Variants in ZNF267 observed in about 807,000 individuals in gnomAD.
ZNF267 encodes zinc finger protein 267, also known as zinc finger (C2H2).
A neutral mutation model predicts 71.6 loss-of-function variants in ZNF267; 61 were observed. The observed-to-expected ratio is 0.85, with a 90% CI of 0.69 to 1.05. ZNF267 has a LOEUF of 1.05. Ranked by LOEUF, ZNF267 falls within the 50% of genes least tolerant of loss-of-function variation. The pLI is 0.00. For missense variants in ZNF267, 852 were observed against 870.0 expected, an observed-to-expected ratio of 0.98 and a Z score of 0.26; for synonymous variants, 288 against 293.2, an observed-to-expected ratio of 0.98 and a Z score of 0.18.
chr16:31,907,537 C>G (rs528059848), intron 3 of ZNF267, among the ~76,000 whole-genome samples: 58 of 152,204 alleles, frequency 3.8e-4, no homozygotes, highest in Admixed American at 1.8e-3. Flanking sequence ...GGTTTAATCT[C>G]TGTTCATTTT....
In ZNF267 at chr16:31,916,346, T is replaced by C. The variant is rs2084177625; in HGVS notation, c.2097T>C (p.Tyr699=). 1 of 1,614,022 alleles carries C rather than the reference T, an allele frequency of 6.2e-7. No individual in the cohort carries two copies. Among genetic ancestry groups the C allele is most frequent in the South Asian group, 1.1e-5 (1 of 91,066 alleles). The change falls in exon 4 of 4, where the codon TAT becomes TAC. Residue 699 remains tyrosine (Y), a synonymous_variant. Transcript: ENST00000300870. ...KCDECGKAFS[Y]RSYLTTHRRS... The stretch of plus-strand genomic sequence containing the variant: ...ATGAATGTGGTAAAGCCTTCAGCTA[T>C]AGGTCATACCTCACTACACATCGGA...
intron 3 of ZNF267, among the ~76,000 whole-genome samples, chr16:31,911,034 A>G (rs1239517109): frequency 6.6e-6 from 1 of 151,486 alleles, no homozygotes; most frequent in Non-Finnish European, 1.5e-5. Context: ...GTTATATTCC[A>G]TTGTGGGCAG....
rs537548378 is a variant in ZNF267 at position 31,882,434 on chromosome 16, G to C, written c.4-2064G>C. ...CTGCTTCCTCTAGCTGAGTGCTATT[G>C]ATAATGGGTCTAGGAGGAGCAACAT... is the stretch of plus-strand genomic sequence containing the variant. On this transcript the variant is annotated intron_variant, in intron 1 of 3. Transcript: ENST00000300870. Among the ~76,000 whole-genome samples the C allele has an allele frequency of 3.9e-5, 6 of 152,306 alleles. No individual in the cohort carries two copies. In the South Asian group the frequency reaches 1.2e-3, roughly 32 times the overall value.
Position 31,873,973 on chromosome 16 carries a change from AG to A in ZNF267, c.3+5del. On this transcript the variant is annotated splice_donor_5th_base_variant and intron_variant, in intron 1 of 3. Coordinates refer to ENST00000300870, the MANE Select transcript of ZNF267 (RefSeq NM_003414.6). Reference sequence around the variant, plus strand: ...GCATCCCGGAAGCTGGGAAATGGTGAGTGTGCGGGGTCGGGGGTCCCCAGAG... The same window carrying A: ...GCATCCCGGAAGCTGGGAAATGGTGATGTGCGGGGTCGGGGGTCCCCAGAG... The A allele has an allele frequency of 6.2e-7, 1 of 1,612,688 alleles. No homozygotes were observed. The highest frequency in any genetic ancestry group is 1.1e-5 in the South Asian group (1 of 90,982).
Position 31,915,381 on chromosome 16 carries a change from A to T in ZNF267, c.1132A>T (p.Asn378Tyr). Residue 378 changes from asparagine to tyrosine, a missense_variant, in exon 4 of 4, where the codon AAC (asparagine) becomes TAC (tyrosine). Coordinates refer to ENST00000300870, the MANE Select transcript of ZNF267 (RefSeq NM_003414.6). The part of the protein sequence containing the change: ...TKQQQIDTGE[N>Y]LYKCKACSKS... ...ACAGCAGCAAATTGATACTGGAGAA[A>T]ACCTTTACAAATGTAAAGCATGTAG... The T allele has an allele frequency of 6.2e-7, 1 of 1,613,610 alleles. No homozygotes were observed. The highest frequency in any genetic ancestry group is 8.5e-7 in the Non-Finnish European group (1 of 1,179,810).
At position 31,904,871 on chromosome 16, in the gene ZNF267, T is replaced by C. The variant is rs370274665; in HGVS notation, c.227-9605T>C. On this transcript the variant is annotated intron_variant, in intron 3 of 3. Coordinates refer to ENST00000300870, the MANE Select transcript of ZNF267 (RefSeq NM_003414.6). ...TTTGCTCATTAGTTGATGTAGTTTCTTTCTAGCCTTGATGGTCTTTACAGT... is the reference window on the plus strand; with the variant it reads ...TTTGCTCATTAGTTGATGTAGTTTCCTTCTAGCCTTGATGGTCTTTACAGT... Among the ~76,000 whole-genome samples, 29 of 152,384 alleles carry C rather than the reference T, an allele frequency of 1.9e-4. No homozygotes were observed. The East Asian group carries it at 4.8e-3, about 25-fold the overall frequency.
chr16:31,899,986 C>A (rs749672622), intron 3 of ZNF267, among the ~76,000 whole-genome samples: 9 of 151,160 alleles, frequency 6.0e-5, no homozygotes, highest in Admixed American at 2.0e-4. Context: ...TTGGTGTCAT[C>A]CATATATATA....
intron 2 of ZNF267, among the ~76,000 whole-genome samples, chr16:31,884,927 C>A (rs1316017744): frequency 3.3e-5 from 5 of 152,086 alleles, no homozygotes; most frequent in Non-Finnish European, 7.4e-5. Context: ...GTCAGATTTG[C>A]AGAAGCTCAG....
intron 3 of ZNF267, among the ~76,000 whole-genome samples, chr16:31,902,054 C>G (rs2084045726): frequency 6.6e-6 from 1 of 152,188 alleles, no homozygotes; most frequent in Admixed American, 6.5e-5. Context: ...ATAGGGAATC[C>G]TTTCCCCATT....
intron 1 of ZNF267, among the ~76,000 whole-genome samples, chr16:31,876,775 G>A (rs2083855361): frequency 6.6e-6 from 1 of 152,186 alleles, no homozygotes; most frequent in South Asian, 2.1e-4. Flanking sequence ...GAATAACCCT[G>A]ACTGGGAAGC....
At chr16:31,880,454 A>G (rs1399191770) in intron 1 of ZNF267, among the ~76,000 whole-genome samples, 1 of 152,210 alleles carries the variant, frequency 6.6e-6, no homozygotes, top group African/African-American at 2.4e-5. Flanking sequence ...CTGATCAGGT[A>G]TAGGTAATAA....
chr16:31,898,441 A>G (rs1208889962), intron 3 of ZNF267, among the ~76,000 whole-genome samples: 1 of 152,030 alleles, frequency 6.6e-6, no homozygotes, highest in African/African-American at 2.4e-5. Context: ...TTTTATGTAC[A>G]AAGTAATTAC....
At chr16:31,894,034 T>G (rs4889517) in intron 3 of ZNF267, among the ~76,000 whole-genome samples, 133,842 of 152,230 alleles carry the variant, frequency 0.88, 60,354 homozygotes, top group East Asian at 1. Flanking sequence ...GGCAAGTTTT[T>G]TTCTGTAGCC....
rs2084180475 is a variant in ZNF267, at chr16:31,916,599, TTTCAAGCCTTAC to T, written c.*119_*130del. 9.8e-7 allele frequency: 1 copy of T among 1,019,746 alleles called. No homozygotes were observed. The highest frequency in any genetic ancestry group is 1.4e-6 in the Non-Finnish European group (1 of 715,526). 63.2% of individuals were successfully genotyped at this position (1,019,746 alleles called of 1,614,324 possible). On this transcript the variant is annotated 3_prime_UTR_variant, in exon 4 of 4. Transcript: ENST00000300870. ...AGAATGTGGCATAACCTTTAACTAT[TTTCAAGCCTTAC>T]ACAATAGCAGAGAATATAAACTGAA...
At chr16:31,876,823 T>C (rs1192912921) in intron 1 of ZNF267, among the ~76,000 whole-genome samples, 2 of 152,212 alleles carry the variant, frequency 1.3e-5, no homozygotes, top group Non-Finnish European at 2.9e-5. Context: ...TAACCTGGTC[T>C]TGAGCCTGCA....
intron 2 of ZNF267, 34 bp downstream of exon 2, chr16:31,884,658 C>T: frequency 6.3e-7 from 1 of 1,585,118 alleles, no homozygotes; most frequent in Non-Finnish European, 8.6e-7. Flanking sequence ...TATCTAATAA[C>T]TAAGAGTTTT....
intron 3 of ZNF267, among the ~76,000 whole-genome samples, chr16:31,895,218 T>C (rs2083989631): frequency 6.6e-6 from 1 of 152,234 alleles, no homozygotes. Context: ...AGACAAAGTA[T>C]TTGCTTTTCT....
intron 3 of ZNF267, among the ~76,000 whole-genome samples, chr16:31,892,019 A>T (rs2083963582): frequency 6.6e-6 from 1 of 152,168 alleles, no homozygotes; most frequent in Non-Finnish European, 1.5e-5. Context: ...TGATAATGAT[A>T]CGGACAACAA....
intron 1 of ZNF267, among the ~76,000 whole-genome samples, chr16:31,883,766 A>G (rs2083905653): frequency 1.3e-5 from 2 of 152,242 alleles, no homozygotes; most frequent in South Asian, 4.1e-4. Flanking sequence ...TAAATTTCAT[A>G]AAACTCTCAG....
Sources: gnomAD v4.1 joint callset for allele counts (sites outside exome capture counted in the v4.1 genomes callset) on GRCh38, gnomAD v4.1.1 for gene constraint, MANE v1.5 for transcripts, NCBI Gene and HGNC (gene_info 2026-07-23, HGNC 2026-07-21) for gene names.